RIMS1: variants seen among roughly 807,000 people sequenced by gnomAD.
RIMS1 encodes the protein regulating synaptic membrane exocytosis 1.
In RIMS1, 83 loss-of-function variants were observed where a neutral mutation model predicts 214.1. The observed-to-expected ratio is 0.39, with a 90% CI of 0.32 to 0.47. RIMS1 has a LOEUF of 0.47. RIMS1 is among the 20% of genes least tolerant of loss of function. The pLI, the probability that RIMS1 is intolerant of heterozygous loss-of-function variation, is 0.99. For missense variants in RIMS1, 2,050 were observed against 2,161.8 expected (o/e 0.95, Z 1.03); for synonymous variants, 793 against 786.8 (o/e 1.01, Z -0.13).
intron 2 of RIMS1, among the ~76,000 whole-genome samples, chr6:72,006,369 A>G (rs1261176312): frequency 1.3e-5 from 2 of 152,344 alleles, no homozygotes; most frequent in African/African-American, 4.8e-5. Context: ...ATGGCCAAAT[A>G]GGAACAGCTC....
chr6:71,919,488 G>GCTAGCATCTAGGTAAAGTTGTC (rs1779389001), intron 1 of RIMS1, among the ~76,000 whole-genome samples: 1 of 152,068 alleles, frequency 6.6e-6, no homozygotes. Flanking sequence ...TGAAATGCCA[G>GCTAGCATCTAGGTAAAGTTGTC]CTAGCATCTA....
intron 28 of RIMS1, among the ~76,000 whole-genome samples, chr6:72,332,382 A>C (rs2096693462): frequency 6.6e-6 from 1 of 151,622 alleles, no homozygotes; most frequent in African/African-American, 2.4e-5. Context: ...TATGCATTGT[A>C]ATTTAAAAGG....
chr6:71,969,165 C>G, intron 2 of RIMS1, 102 bp downstream of exon 2: 1 of 1,102,016 alleles, frequency 9.1e-7, no homozygotes, highest in South Asian at 1.2e-5. Context: ...ACTCTGGCTG[C>G]TCTTGTATAT....
At chr6:72,108,020 T>C (rs1438452325) in intron 4 of RIMS1, among the ~76,000 whole-genome samples, 1 of 152,144 alleles carries the variant, frequency 6.6e-6, no homozygotes. Flanking sequence ...TGTTTTGTTT[T>C]ATTGTGTTTT....
chr6:72,394,848 C>T (rs2098755305), intron 31 of RIMS1, among the ~76,000 whole-genome samples: 1 of 151,606 alleles, frequency 6.6e-6, no homozygotes. Context: ...AAAGAGAATC[C>T]ATGCCTGAGA....
intron 23 of RIMS1, among the ~76,000 whole-genome samples, chr6:72,280,699 T>C (rs2089670030): frequency 6.6e-6 from 1 of 151,974 alleles, no homozygotes; most frequent in African/African-American, 2.4e-5. Flanking sequence ...AAACAAAAAT[T>C]AAAAGGTTAG....
chr6:71,956,233 A>G (rs1037076424), intron 1 of RIMS1, among the ~76,000 whole-genome samples: 9 of 152,050 alleles, frequency 5.9e-5, no homozygotes, highest in African/African-American at 2.2e-4. Context: ...AGAAAATGCA[A>G]AAGTACTTTA....
intron 2 of RIMS1, among the ~76,000 whole-genome samples, chr6:72,017,490 G>T (rs938813119): frequency 1.3e-5 from 2 of 152,160 alleles, no homozygotes; most frequent in Non-Finnish European, 2.9e-5. Context: ...ACACAATGGA[G>T]AACTGATATT....
intron 29 of RIMS1, among the ~76,000 whole-genome samples, chr6:72,363,382 A>C (rs1227254054): frequency 6.6e-6 from 1 of 152,192 alleles, no homozygotes; most frequent in Admixed American, 6.6e-5. Flanking sequence ...GTTTCATCTA[A>C]AGTGCAGTAG....
intron 29 of RIMS1, chr6:72,366,762 C>G: frequency 1.0e-6 from 1 of 985,792 alleles, no homozygotes; most frequent in Middle Eastern, 5.2e-4. Flanking sequence ...ATATTCCAGC[C>G]AGCCACCGCA....
At chr6:72,313,721 A>G (rs367841111) in intron 28 of RIMS1, 49 bp downstream of exon 28, 131 of 1,522,088 alleles carry the variant, frequency 8.6e-5, no homozygotes, top group Non-Finnish European at 1.1e-4. Context: ...TCTGTGATAT[A>G]AAAATACAAC....
At chr6:72,332,336 A>C (rs1262412457) in intron 28 of RIMS1, among the ~76,000 whole-genome samples, 2 of 151,818 alleles carry the variant, frequency 1.3e-5, no homozygotes, top group Non-Finnish European at 1.5e-5. Context: ...TTTATTAGAC[A>C]GAAATGTACT....
intron 26 of RIMS1, among the ~76,000 whole-genome samples, chr6:72,304,886 G>A (rs563746926): frequency 6.6e-6 from 1 of 152,012 alleles, no homozygotes; most frequent in South Asian, 2.1e-4. Flanking sequence ...GGATAGCATA[G>A]CAACTACATC....
At chr6:72,095,116 A>ATTTT (rs71540328) in intron 2 of RIMS1, among the ~76,000 whole-genome samples, 42 of 98,926 alleles carry the variant, frequency 4.2e-4, no homozygotes, top group South Asian at 1.5e-3. Flanking sequence ...ACGCCCGACT[A>ATTTT]TTTTTTTTTT....
intron 1 of RIMS1, among the ~76,000 whole-genome samples, chr6:71,949,501 T>A (rs928051237): frequency 1.3e-5 from 2 of 152,190 alleles, no homozygotes; most frequent in South Asian, 4.1e-4. Flanking sequence ...TTCAAATTTG[T>A]CACTTGTTTT....
At chr6:72,090,631 GT>G (rs1231024420) in intron 2 of RIMS1, among the ~76,000 whole-genome samples, 2 of 152,100 alleles carry the variant, frequency 1.3e-5, no homozygotes, top group African/African-American at 4.8e-5. Flanking sequence ...ACAACAAAGA[GT>G]TTTTTAACTG....
At chr6:72,369,551 A>G (rs937380035) in intron 29 of RIMS1, among the ~76,000 whole-genome samples, 3 of 152,236 alleles carry the variant, frequency 2.0e-5, no homozygotes, top group African/African-American at 7.2e-5. Context: ...GTCTGCAGGT[A>G]GATTTTCTTC....
intron 4 of RIMS1, among the ~76,000 whole-genome samples, chr6:72,161,230 A>G (rs2045355777): frequency 7.1e-6 from 1 of 140,208 alleles, no homozygotes; most frequent in Non-Finnish European, 1.6e-5. Flanking sequence ...ATTGGTGGTG[A>G]TATCCCCTTT....
intron 33 of RIMS1, 105 bp from the exon 34 acceptor site, chr6:72,400,391 C>A: frequency 1.2e-6 from 1 of 864,602 alleles, no homozygotes. Context: ...TATTCTTTTC[C>A]TCTGCTTCAC....
Sources: allele counts gnomAD v4.1 joint callset (sites outside exome capture counted in the v4.1 genomes callset), GRCh38; gene constraint gnomAD v4.1.1; transcripts MANE v1.5; gene names NCBI Gene and HGNC (gene_info 2026-07-23, HGNC 2026-07-21).